Variants in SPATA17 observed in about 807,000 individuals in gnomAD.
The protein encoded by SPATA17 is spermatogenesis-associated protein 17.
In SPATA17, 53 loss-of-function variants were observed where a neutral mutation model predicts 62.2. The ratio of observed to expected loss-of-function variants is 0.85; its 90% CI spans 0.68 to 1.07. SPATA17 has a LOEUF of 1.07. Ranked by LOEUF, SPATA17 falls within the 50% of genes least tolerant of loss-of-function variation. The pLI, the probability that SPATA17 is intolerant of heterozygous loss-of-function variation, is 0.00. For missense variants in SPATA17, 466 were observed against 425.5 expected (o/e 1.10, Z -0.84); for synonymous variants, 146 against 146.8 (o/e 0.99, Z 0.04).
At chr1:217,804,047 A>G (rs1195847474) in intron 9 of SPATA17, among the ~76,000 whole-genome samples, 1 of 152,030 alleles carries the variant, frequency 6.6e-6, no homozygotes, top group Non-Finnish European at 1.5e-5. Flanking sequence ...AGAAGAAAAG[A>G]AAAAACAATC....
intron 9 of SPATA17, among the ~76,000 whole-genome samples, chr1:217,803,277 A>C (rs1041967420): frequency 9.9e-5 from 15 of 152,168 alleles, no homozygotes; most frequent in African/African-American, 2.9e-4. Flanking sequence ...GCAGTTAGGC[A>C]AGAGAAAGAA....
chr1:217,793,411 G>T (rs1217115893), intron 8 of SPATA17, among the ~76,000 whole-genome samples: 1 of 151,862 alleles, frequency 6.6e-6, no homozygotes, highest in South Asian at 2.1e-4. Flanking sequence ...TAGTAGAGAC[G>T]GGGTTTCACC....
chr1:217,640,506 A>C (rs1403977821), intron 1 of SPATA17, among the ~76,000 whole-genome samples: 2 of 152,174 alleles, frequency 1.3e-5, no homozygotes, highest in Non-Finnish European at 2.9e-5. Flanking sequence ...CATTTGACTC[A>C]GAACTGTCAC....
chr1:217,820,365 GC>G, intron 9 of SPATA17, among the ~76,000 whole-genome samples: 3 of 152,016 alleles, frequency 2.0e-5, no homozygotes, highest in Non-Finnish European at 4.4e-5. Context: ...AAGTTTGTGA[GC>G]AGTAGTCCAA....
At chr1:217,848,457 T>A (rs1444699747) in intron 9 of SPATA17, among the ~76,000 whole-genome samples, 1 of 152,176 alleles carries the variant, frequency 6.6e-6, no homozygotes, top group African/African-American at 2.4e-5. Context: ...ATGTAAAGAT[T>A]GTTTCTTATT....
chr1:217,655,881 CT>C, intron 3 of SPATA17, among the ~76,000 whole-genome samples: 1 of 152,162 alleles, frequency 6.6e-6, no homozygotes, highest in South Asian at 2.1e-4. Flanking sequence ...TAATGAGCAC[CT>C]TTAGTCCCAT....
chr1:217,826,094 C>T (rs1674996202), intron 9 of SPATA17, among the ~76,000 whole-genome samples: 1 of 152,088 alleles, frequency 6.6e-6, no homozygotes, highest in Non-Finnish European at 1.5e-5. Flanking sequence ...TTTAACAAGA[C>T]ATCTATTTTA....
At chr1:217,632,341 G>A (rs1301928871) in intron 1 of SPATA17, among the ~76,000 whole-genome samples, 2 of 152,106 alleles carry the variant, frequency 1.3e-5, no homozygotes, top group African/African-American at 2.4e-5. Context: ...TCTTGCCCAG[G>A]AAGAGTTTCA....
intron 9 of SPATA17, among the ~76,000 whole-genome samples, chr1:217,810,557 G>T (rs1278382276): frequency 6.6e-6 from 1 of 151,978 alleles, no homozygotes; most frequent in Non-Finnish European, 1.5e-5. Flanking sequence ...AGGAGGCAGA[G>T]GCATGAGCCA....
chr1:217,835,619 G>T (rs1223840508), intron 9 of SPATA17, among the ~76,000 whole-genome samples: 1 of 152,062 alleles, frequency 6.6e-6, no homozygotes, highest in Non-Finnish European at 1.5e-5. Flanking sequence ...ATACATGGAT[G>T]AACTCTTCTT....
chr1:217,783,365 C>A (rs11579903), intron 8 of SPATA17, among the ~76,000 whole-genome samples: 19,782 of 151,784 alleles, frequency 0.13, 1,378 homozygotes, highest in Non-Finnish European at 0.16. Context: ...TGGCAGGCAT[C>A]TCAAGTAATT....
At position 217,868,879 on chromosome 1, in the gene SPATA17, A is replaced by G. The variant is rs895419188; in HGVS notation, c.*1860A>G. The G allele has an allele frequency of 6.6e-6, 1 of 151,952 alleles. No individual in the cohort carries two copies. Among genetic ancestry groups the G allele is most frequent in the African/African-American group, 2.4e-5 (1 of 41,366 alleles). 9.4% of individuals were successfully genotyped at this position (151,952 alleles called of 1,614,324 possible). On this transcript the variant is annotated 3_prime_UTR_variant, in exon 11 of 11. Transcript: ENST00000366933. ...GTACTTTTGGTAGACACGGGTTTTT[A>G]CCATGTTGTGCAGGCTGGTCTTGAA...
intron 5 of SPATA17, among the ~76,000 whole-genome samples, chr1:217,711,911 A>G (rs979991018): frequency 9.2e-5 from 14 of 152,234 alleles, no homozygotes; most frequent in African/African-American, 3.4e-4. Context: ...TTAGTACCCT[A>G]CCATTCTCAG....
At chr1:217,700,493 A>G (rs1204161525) in intron 5 of SPATA17, among the ~76,000 whole-genome samples, 2 of 152,186 alleles carry the variant, frequency 1.3e-5, no homozygotes, top group African/African-American at 2.4e-5. Context: ...ACAAAAATCT[A>G]TTGAATAGAT....
rs141841521 is a variant in SPATA17, at chr1:217,741,280, A to G, written c.396-695A>G. On this transcript the variant is annotated intron_variant, in intron 5 of 10. Coordinates refer to ENST00000366933, the MANE Select transcript of SPATA17 (RefSeq NM_138796.4). Reference sequence around the variant, plus strand: ...GCAGATGTTTTCACATAGTATACTTAAAAGCTTATTTTTTGTTTATATTTC... The same window carrying G: ...GCAGATGTTTTCACATAGTATACTTGAAAGCTTATTTTTTGTTTATATTTC... Among the ~76,000 whole-genome samples the G allele has an allele frequency of 1.9e-3, 285 of 152,282 alleles. 4 individuals are homozygous for G. The highest frequency in any genetic ancestry group is 6.6e-3 in the African/African-American group (275 of 41,580).
At chr1:217,639,450 A>T (rs1025993092) in intron 1 of SPATA17, among the ~76,000 whole-genome samples, 4 of 152,158 alleles carry the variant, frequency 2.6e-5, no homozygotes, top group African/African-American at 9.6e-5. Context: ...TGCCGTAATC[A>T]AGTAAAAATT....
intron 8 of SPATA17, among the ~76,000 whole-genome samples, chr1:217,786,014 T>A (rs573777195): frequency 6.6e-6 from 1 of 152,114 alleles, no homozygotes; most frequent in Non-Finnish European, 1.5e-5. Flanking sequence ...AAATAAGCAA[T>A]TAATAAATAA....
chr1:217,776,680 A>G (rs1673596003), intron 7 of SPATA17, among the ~76,000 whole-genome samples: 2 of 151,340 alleles, frequency 1.3e-5, no homozygotes, highest in African/African-American at 4.9e-5. Context: ...CTCTATTAAA[A>G]AAAAAAAAAA....
chr1:217,742,566 G>A (rs900319807), intron 6 of SPATA17, among the ~76,000 whole-genome samples: 5 of 152,126 alleles, frequency 3.3e-5, no homozygotes, highest in Non-Finnish European at 7.3e-5. Context: ...ATTGCTTCAG[G>A]AATTACATCT....
Sources: gnomAD v4.1 joint callset for allele counts (sites outside exome capture counted in the v4.1 genomes callset) on GRCh38, gnomAD v4.1.1 for gene constraint, MANE v1.5 for transcripts, NCBI Gene and HGNC (gene_info 2026-07-23, HGNC 2026-07-21) for gene names.